Variants in MB21D2 observed in about 807,000 individuals in gnomAD.
MB21D2 encodes Mab-21 domain containing 2.
In MB21D2, 9 loss-of-function variants were observed where a neutral mutation model predicts 33.3. That is an observed-to-expected ratio of 0.27 (90% CI 0.16 to 0.47). MB21D2 has a LOEUF of 0.47. Among genes scored for constraint, MB21D2 ranks in the 20% least tolerant of loss-of-function variants. The pLI is 0.99. For missense variants in MB21D2, 540 were observed against 624.6 expected (o/e 0.86, Z 1.44); for synonymous variants, 241 against 236.3 (o/e 1.02, Z -0.18).
chr3:192,898,538 C>T (rs1273646732), intron 1 of MB21D2, among the ~76,000 whole-genome samples: 4 of 152,166 alleles, frequency 2.6e-5, no homozygotes, highest in Non-Finnish European at 5.9e-5. Context: ...TCAGAACACA[C>T]ACAGCCATCT....
chr3:192,873,524 C>T (rs1346506298), intron 1 of MB21D2, among the ~76,000 whole-genome samples: 1 of 152,088 alleles, frequency 6.6e-6, no homozygotes, highest in Non-Finnish European at 1.5e-5. Context: ...CAAGTGAGTT[C>T]ACCGCAACCT....
intron 1 of MB21D2, among the ~76,000 whole-genome samples, chr3:192,876,029 C>G (rs1389698033): frequency 6.6e-6 from 1 of 152,150 alleles, no homozygotes. Flanking sequence ...CTCTAGAGTC[C>G]TTTCCTCATG....
intron 1 of MB21D2, among the ~76,000 whole-genome samples, chr3:192,826,592 G>A (rs1046361704): frequency 6.6e-6 from 1 of 152,196 alleles, no homozygotes; most frequent in African/African-American, 2.4e-5. Flanking sequence ...AATAAATTAA[G>A]TTTTAATAAA....
chr3:192,820,828 G>C (rs527745726), intron 1 of MB21D2, among the ~76,000 whole-genome samples: 1 of 152,270 alleles, frequency 6.6e-6, no homozygotes, highest in African/African-American at 2.4e-5. Flanking sequence ...GCAACGGTGT[G>C]ATCACGGCTC....
chr3:192,864,553 C>A (rs574440177), intron 1 of MB21D2, among the ~76,000 whole-genome samples: 12 of 152,180 alleles, frequency 7.9e-5, no homozygotes, highest in Non-Finnish European at 1.2e-4. Flanking sequence ...GTCATCCTGG[C>A]TGAAGTGCAA....
chr3:192,890,828 C>T (rs1713837523), intron 1 of MB21D2, among the ~76,000 whole-genome samples: 1 of 152,004 alleles, frequency 6.6e-6, no homozygotes, highest in Admixed American at 6.5e-5. Context: ...ATAAGATGTA[C>T]GTGCTTCTCA....
chr3:192,888,051 T>C (rs1337335250), intron 1 of MB21D2, among the ~76,000 whole-genome samples: 1 of 152,084 alleles, frequency 6.6e-6, no homozygotes, highest in African/African-American at 2.4e-5. Flanking sequence ...ATCTGGGGAC[T>C]AGAAGGGCAC....
At chr3:192,894,193 A>G (rs1713916069) in intron 1 of MB21D2, among the ~76,000 whole-genome samples, 1 of 151,848 alleles carries the variant, frequency 6.6e-6, no homozygotes, top group Non-Finnish European at 1.5e-5. Flanking sequence ...CAGTGGCGCA[A>G]TCTGGACTCA....
chr3:192,878,103 G>GTTTTTTTTTTTTT (rs1296544101), intron 1 of MB21D2, among the ~76,000 whole-genome samples: 228 of 134,108 alleles, frequency 1.7e-3, no homozygotes, highest in Non-Finnish European at 2.2e-3. Context: ...TTTTTTTTTG[G>GTTTTTTTTTTTTT]TTTTTTTTGT....
chr3:192,834,306 G>C (rs1577177383), intron 1 of MB21D2, among the ~76,000 whole-genome samples: 1 of 144,092 alleles, frequency 6.9e-6, no homozygotes, highest in Admixed American at 7.3e-5. Context: ...GACAAAGCGA[G>C]ACTGCATCTC....
chr3:192,907,606 C>T (rs1560257565), intron 1 of MB21D2, among the ~76,000 whole-genome samples: 1 of 152,178 alleles, frequency 6.6e-6, no homozygotes, highest in African/African-American at 2.4e-5. Flanking sequence ...GGGATTAATA[C>T]TTCCTATACA....
At chr3:192,834,421 CAAAAA>C (rs35712980) in intron 1 of MB21D2, among the ~76,000 whole-genome samples, 5 of 127,122 alleles carry the variant, frequency 3.9e-5, no homozygotes, top group Admixed American at 7.9e-5. Flanking sequence ...CCAGTTATAT[CAAAAA>C]AAAAAAAAAA....
Position 192,798,372 on chromosome 3 carries a change from A to G in MB21D2, c.*14T>C. On this transcript the variant is annotated 3_prime_UTR_variant, in exon 2 of 2. Coordinates refer to ENST00000392452, the MANE Select transcript of MB21D2 (RefSeq NM_178496.4). The surrounding 1 kb of genome is among the most constrained non-coding windows in gnomAD (Gnocchi z 4.8). ...AGAGTTTAAGAATCAGGAAAAAAAAAAGTCAGCTAACACTCAGAAAAATTT... is the reference window on the plus strand; with the variant it reads ...AGAGTTTAAGAATCAGGAAAAAAAAGAGTCAGCTAACACTCAGAAAAATTT... The G allele has an allele frequency of 1.2e-6, 2 of 1,609,370 alleles. No individual in the cohort carries two copies. Among genetic ancestry groups the G allele is most frequent in the Admixed American group, 3.4e-5 (2 of 59,604 alleles).
At chr3:192,905,306 C>T (rs1384944129) in intron 1 of MB21D2, among the ~76,000 whole-genome samples, 1 of 152,062 alleles carries the variant, frequency 6.6e-6, no homozygotes, top group Non-Finnish European at 1.5e-5. Context: ...CCAGCTTGGG[C>T]AACATGGCGA....
At chr3:192,855,736 C>G (rs1210399019) in intron 1 of MB21D2, among the ~76,000 whole-genome samples, 1 of 152,170 alleles carries the variant, frequency 6.6e-6, no homozygotes, top group Non-Finnish European at 1.5e-5. Context: ...CCTTTTCTAC[C>G]TCCTCCATTT....
chr3:192,804,665 G>A (rs942828787), intron 1 of MB21D2, among the ~76,000 whole-genome samples: 1 of 152,118 alleles, frequency 6.6e-6, no homozygotes, highest in Non-Finnish European at 1.5e-5. Context: ...AACAAACAGT[G>A]CCTTATTCCA....
intron 1 of MB21D2, among the ~76,000 whole-genome samples, chr3:192,887,072 A>G (rs1577196751): frequency 6.6e-6 from 1 of 152,254 alleles, no homozygotes; most frequent in East Asian, 1.9e-4. Flanking sequence ...TTTCGAGAAG[A>G]CGCTGAACCA....
chr3:192,917,329 A>C (rs903116235), intron 1 of MB21D2, among the ~76,000 whole-genome samples: 1 of 152,204 alleles, frequency 6.6e-6, no homozygotes, highest in Non-Finnish European at 1.5e-5. Flanking sequence ...CAACAGTGCA[A>C]CGCTTCACCG....
intron 1 of MB21D2, among the ~76,000 whole-genome samples, chr3:192,870,444 A>C (rs1438515985): frequency 3.3e-5 from 5 of 152,118 alleles, no homozygotes; most frequent in African/African-American, 4.8e-5. Context: ...TAATCCCAGC[A>C]CTTTGGGAGG....
Sources: gnomAD v4.1 joint callset for allele counts (sites outside exome capture counted in the v4.1 genomes callset) on GRCh38, gnomAD v4.1.1 for gene constraint, Gnocchi (gnomAD v3.1) non-coding constraint, MANE v1.5 for transcripts, NCBI Gene and HGNC (gene_info 2026-07-23, HGNC 2026-07-21) for gene names.